Variants in ASCC3 observed in about 807,000 individuals in gnomAD.
ASCC3 encodes the protein activating signal cointegrator 1 complex subunit 3, also known as ASC-1 complex subunit P200.
Under a neutral mutation model 256.3 loss-of-function variants are expected in ASCC3, and 158 were observed. The ratio of observed to expected loss-of-function variants is 0.62; its 90% CI spans 0.54 to 0.70. The LOEUF is 0.70. Among genes scored for constraint, ASCC3 ranks in the 30% least tolerant of loss-of-function variants. ASCC3 has a pLI of 0.00. For missense variants in ASCC3, 2,259 were observed against 2,626.0 expected, an observed-to-expected ratio of 0.86 and a Z score of 3.05; for synonymous variants, 948 against 883.4, an observed-to-expected ratio of 1.07 and a Z score of -1.30.
At chr6:100,645,284 TTATATC>T (rs1245428128) in intron 22 of ASCC3, among the ~76,000 whole-genome samples, 1 of 152,018 alleles carries the variant, frequency 6.6e-6, no homozygotes, top group African/African-American at 2.4e-5. Flanking sequence ...ATGTGAAACT[TTATATC>T]TATAGAAATA....
chr6:100,583,379 T>G (rs1434138689), intron 36 of ASCC3, among the ~76,000 whole-genome samples: 1 of 152,004 alleles, frequency 6.6e-6, no homozygotes, highest in Non-Finnish European at 1.5e-5. Flanking sequence ...TGCGTAGAGG[T>G]GTTTGTAGTA....
In ASCC3 at chr6:100,509,175, A is replaced by G. The variant is rs1380319833; in HGVS notation, c.*211T>C. On this transcript the variant is annotated 3_prime_UTR_variant, in exon 42 of 42. Transcript: ENST00000369162. ...ATCTTACATATCAAGAAACTCATAA[A>G]GATAACATTATAAAAGGCAACATTT... is the stretch of plus-strand genomic sequence containing the variant. 6.7e-6 allele frequency: 4 copies of G among 600,378 alleles called. No individual in the cohort carries two copies. The African/African-American group carries it at 7.4e-5, about 11-fold the overall frequency. The allele number at this position is 600,378 out of a possible 1,614,324, so 37.2% of individuals were successfully genotyped here. A position where few individuals can be genotyped will look rare whatever the true frequency, so the allele number is the denominator to read the frequency against.
At chr6:100,867,698 T>C (rs1773544148) in intron 2 of ASCC3, among the ~76,000 whole-genome samples, 1 of 152,188 alleles carries the variant, frequency 6.6e-6, no homozygotes, top group African/African-American at 2.4e-5. Context: ...ATCATAGTTC[T>C]GATTATTCCC....
chr6:100,686,438 C>T (rs1777571635), intron 13 of ASCC3, among the ~76,000 whole-genome samples: 1 of 152,138 alleles, frequency 6.6e-6, no homozygotes, highest in African/African-American at 2.4e-5. Flanking sequence ...TAAACAACTA[C>T]AAATTCACAA....
At chr6:100,846,020 T>G (rs1772365583) in intron 4 of ASCC3, among the ~76,000 whole-genome samples, 1 of 152,272 alleles carries the variant, frequency 6.6e-6, no homozygotes, top group Non-Finnish European at 1.5e-5. Context: ...CCTATTTAAA[T>G]AAAGAGTCAA....
chr6:100,863,265 C>T (rs1319065750), intron 3 of ASCC3, among the ~76,000 whole-genome samples: 1 of 151,984 alleles, frequency 6.6e-6, no homozygotes, highest in Non-Finnish European at 1.5e-5. Flanking sequence ...AACCTGAGTT[C>T]GTATACAATA....
chr6:100,679,565 C>A (rs1582683464), intron 14 of ASCC3, 53 bp downstream of exon 14: 1 of 1,608,274 alleles, frequency 6.2e-7, no homozygotes, highest in East Asian at 2.2e-5. Context: ...TATAAAATAC[C>A]CGGGATATGT....
rs547622259 is a variant in ASCC3 at position 100,710,075 on chromosome 6, A to G, written c.2151+5387T>C. 2.6e-5 allele frequency among the ~76,000 whole-genome samples: 4 copies of G among 152,270 alleles called. No individual in the cohort carries two copies. The South Asian group carries it at 8.3e-4, about 32-fold the overall frequency. ...AGAAGGATCATAGTTATCCTGCTCT[A>G]ATTCTTCTTTGCAGTAAGGCACTAA... is the stretch of plus-strand genomic sequence containing the variant. On this transcript the variant is annotated intron_variant, in intron 13 of 41. Transcript: ENST00000369162.
chr6:100,529,992 T>C (rs932943320), intron 37 of ASCC3, among the ~76,000 whole-genome samples: 1 of 152,168 alleles, frequency 6.6e-6, no homozygotes, highest in African/African-American at 2.4e-5. Flanking sequence ...TCGTGATTTT[T>C]TTTTTTTTCT....
In ASCC3 at chr6:100,606,783, G is replaced by A. The variant is rs770914259; in HGVS notation, c.5001C>T (p.Tyr1667=). 7 of 1,609,796 alleles carry A rather than the reference G, an allele frequency of 4.3e-6. No individual in the cohort carries two copies. In the Admixed American group the frequency reaches 1.2e-4, roughly 27 times the overall value. The change falls in exon 32 of 42, where the codon TAC becomes TAT. Residue 1667 remains tyrosine (Y), a synonymous_variant. Transcript: ENST00000369162. ...CATAACGTCTTGTTTTTCCATCATA[G>A]TATTCTGTTCCCTTAATAATTACTA... The part of the protein sequence containing the change: ...AHLVIIKGTE[Y]YDGKTRRYVD...
intron 36 of ASCC3, among the ~76,000 whole-genome samples, chr6:100,583,893 A>G (rs1771474514): frequency 1.3e-5 from 2 of 152,038 alleles, no homozygotes; most frequent in Admixed American, 6.6e-5. Context: ...GTAGTTGAGC[A>G]GTTTTCAGTG....
intron 10 of ASCC3, among the ~76,000 whole-genome samples, chr6:100,750,878 A>C (rs1582807589): frequency 1.3e-5 from 2 of 151,986 alleles, no homozygotes; most frequent in African/African-American, 4.8e-5. Context: ...TATCAAAGTC[A>C]CTCCAGAATT....
At chr6:100,692,390 C>A (rs1465060532) in intron 13 of ASCC3, among the ~76,000 whole-genome samples, 2 of 151,814 alleles carry the variant, frequency 1.3e-5, no homozygotes, top group Admixed American at 6.6e-5. Context: ...AAATGCTTCA[C>A]GTCTAAATTG....
At chr6:100,664,809 C>T (rs1331668738) in intron 14 of ASCC3, among the ~76,000 whole-genome samples, 1 of 152,190 alleles carries the variant, frequency 6.6e-6, no homozygotes, top group Non-Finnish European at 1.5e-5. Context: ...AGAAACATTT[C>T]ACTTACTTCA....
intron 27 of ASCC3, 104 bp from the exon 28 acceptor site, chr6:100,628,091 CA>C (rs80131727): frequency 0.12 from 98,264 of 811,856 alleles, 2,798 homozygotes; most frequent in South Asian, 0.17. Flanking sequence ...AAAACAAAAA[CA>C]AAAAAAAAAA....
At chr6:100,600,204 T>C (rs28475228) in intron 34 of ASCC3, among the ~76,000 whole-genome samples, 11 of 98,070 alleles carry the variant, frequency 1.1e-4, no homozygotes, top group East Asian at 3.4e-4. Flanking sequence ...CACATGCACA[T>C]GCACACACAC....
At chr6:100,782,597 A>G (rs1262375522) in intron 8 of ASCC3, among the ~76,000 whole-genome samples, 1 of 152,182 alleles carries the variant, frequency 6.6e-6, no homozygotes, top group Non-Finnish European at 1.5e-5. Context: ...TTGTGTATGC[A>G]TAAGATTATT....
At chr6:100,822,853 T>C (rs905968401) in intron 4 of ASCC3, among the ~76,000 whole-genome samples, 1 of 152,180 alleles carries the variant, frequency 6.6e-6, no homozygotes, top group Non-Finnish European at 1.5e-5. Flanking sequence ...GGCAGAGATA[T>C]CCTTACATAT....
At chr6:100,548,040 C>CAA (rs76172986) in intron 36 of ASCC3, among the ~76,000 whole-genome samples, 1 of 128,888 alleles carries the variant, frequency 7.8e-6, no homozygotes. Context: ...GAAGCCAGAC[C>CAA]AAAAAAAAAA....
Sources: allele counts gnomAD v4.1 joint callset (sites outside exome capture counted in the v4.1 genomes callset), GRCh38; gene constraint gnomAD v4.1.1; transcripts MANE v1.5; gene names NCBI Gene and HGNC (gene_info 2026-07-23, HGNC 2026-07-21).